The following LPIN1 variants were observed in gnomAD, a reference collection of about 807,000 sequenced individuals.
LPIN1 encodes lipin 1, also known as phosphatidate phosphatase LPIN1.
In LPIN1, 71 loss-of-function variants were observed where a neutral mutation model predicts 107.5. The ratio of observed to expected loss-of-function variants is 0.66; its 90% CI spans 0.55 to 0.80. The LOEUF is 0.80. Among genes scored for constraint, LPIN1 ranks in the 30% least tolerant of loss-of-function variants. The probability of loss-of-function intolerance (pLI) is 0.00; values close to 1 mark genes in which losing one functional copy is unlikely to be tolerated. For synonymous variants in LPIN1, 445 were observed against 452.6 expected, an observed-to-expected ratio of 0.98 and a Z score of 0.21; for missense variants, 1,043 against 1,160.6, an observed-to-expected ratio of 0.90 and a Z score of 1.47.
intron 1 of LPIN1, among the ~76,000 whole-genome samples, chr2:11,681,664 C>G (rs960552196): frequency 6.6e-6 from 1 of 152,194 alleles, no homozygotes; most frequent in Non-Finnish European, 1.5e-5. Context: ...ACCACGTCCC[C>G]GTGCTGCCCC....
intron 17 of LPIN1, among the ~76,000 whole-genome samples, chr2:11,807,324 GA>G (rs1678878451): frequency 1.3e-5 from 2 of 152,160 alleles, no homozygotes; most frequent in African/African-American, 4.8e-5. Context: ...CTTTCATTTA[GA>G]AGGATTAATC....
chr2:11,795,812 T>C (rs1370851682), intron 14 of LPIN1, among the ~76,000 whole-genome samples: 1 of 152,234 alleles, frequency 6.6e-6, no homozygotes, highest in Non-Finnish European at 1.5e-5. Context: ...ATAATGACAG[T>C]GATGACAGGA....
chr2:11,771,513 G>C lies in LPIN1; in HGVS notation c.430G>C (p.Glu144Gln), dbSNP rs776202108. Residue 144 changes from glutamate to glutamine, a missense_variant, in exon 4 of 21, where the codon GAG becomes CAG. Transcript: ENST00000674199. This position sits in a 1 kb window ranked among gnomAD's most constrained non-coding sequence, Gnocchi z 4.8. ...GCCAGCCCAAGTGATCGCTCCCAGC[G>C]AGACGCCGTCAAGCAGCTCTGTAGT... ...STPAQVIAPSETPSSSSVVKK... is the reference protein window; with the variant it reads ...STPAQVIAPSQTPSSSSVVKK... The C allele has an allele frequency of 2.5e-6, 4 of 1,614,088 alleles. No individual in the cohort carries two copies. In the African/African-American group the frequency reaches 5.3e-5, roughly 22 times the overall value.
intron 4 of LPIN1, among the ~76,000 whole-genome samples, chr2:11,772,747 G>A (rs1218315087): frequency 2.0e-5 from 3 of 152,010 alleles, no homozygotes; most frequent in Non-Finnish European, 4.4e-5. Context: ...TCATTTTGAA[G>A]GATATTTGAT....
At chr2:11,710,302 T>C (rs1267476006) in intron 1 of LPIN1, among the ~76,000 whole-genome samples, 1 of 151,704 alleles carries the variant, frequency 6.6e-6, no homozygotes, top group Non-Finnish European at 1.5e-5. Flanking sequence ...ATTTAATCCA[T>C]AGCGTCACAT....
chr2:11,805,052 C>A lies in LPIN1; in HGVS notation c.2163-18C>A. The A allele has an allele frequency of 6.7e-7, 1 of 1,502,144 alleles. No homozygotes were observed. The highest frequency in any genetic ancestry group is 9.2e-7 in the Non-Finnish European group (1 of 1,083,228). 93.1% of individuals were successfully genotyped at this position (1,502,144 alleles called of 1,614,324 possible). Reference sequence around the variant, plus strand: ...AAAGGGATTTTTACTTTATTTTTCTCTTTTCCTCTTCATTTAGATCAGATA... The same window carrying A: ...AAAGGGATTTTTACTTTATTTTTCTATTTTCCTCTTCATTTAGATCAGATA... On this transcript the variant is annotated intron_variant, in intron 16 of 20. Coordinates refer to ENST00000674199, the MANE Select transcript of LPIN1 (RefSeq NM_001349206.2).
chr2:11,716,681 C>T (rs1368815012), intron 2 of LPIN1, among the ~76,000 whole-genome samples: 1 of 152,180 alleles, frequency 6.6e-6, no homozygotes, highest in Non-Finnish European at 1.5e-5. Flanking sequence ...ATTAATTCTC[C>T]ATGGACTGGA....
At chr2:11,699,684 G>A (rs981551962) in intron 1 of LPIN1, among the ~76,000 whole-genome samples, 2 of 152,080 alleles carry the variant, frequency 1.3e-5, no homozygotes, top group Non-Finnish European at 2.9e-5. Context: ...ACCATCGGAC[G>A]AAGGGTCACT....
At chr2:11,751,768 C>G (rs1012267051) in intron 1 of LPIN1, among the ~76,000 whole-genome samples, 1 of 152,134 alleles carries the variant, frequency 6.6e-6, no homozygotes, top group South Asian at 2.1e-4. Context: ...AGGAGATTGG[C>G]GTGAACCTGG....
chr2:11,789,794 C>A (rs193258743), intron 12 of LPIN1, among the ~76,000 whole-genome samples: 6 of 152,306 alleles, frequency 3.9e-5, no homozygotes, highest in African/African-American at 1.4e-4. Flanking sequence ...AGCAATATAG[C>A]TAAAGGATTT....
At chr2:11,767,685 G>A (rs1671143928) in intron 2 of LPIN1, 78 bp from the exon 3 acceptor site, 2 of 874,562 alleles carry the variant, frequency 2.3e-6, no homozygotes, top group Non-Finnish European at 3.9e-6. Context: ...CGTATCTGTG[G>A]AGACTTGGCC....
rs114173815 is a variant in LPIN1, at chr2:11,699,417, C to A, written c.82-14339C>A. Among the ~76,000 whole-genome samples, 933 of 152,152 alleles carry A rather than the reference C, an allele frequency of 6.1e-3. 11 individuals carry two copies. Among genetic ancestry groups the A allele is most frequent in the African/African-American group, 0.021 (883 of 41,490 alleles). On this transcript the variant is annotated intron_variant, in intron 1 of 21. Coordinates refer to the LPIN1 transcript ENST00000449576. ...GACTTGACCGGCGCCCTGATGTCAGCGGGTATGGGTATGGAGTCCCTGGGG... is the reference window on the plus strand; with the variant it reads ...GACTTGACCGGCGCCCTGATGTCAGAGGGTATGGGTATGGAGTCCCTGGGG...
intron 1 of LPIN1, among the ~76,000 whole-genome samples, chr2:11,733,500 T>TC (rs200590160): frequency 2.7e-3 from 376 of 136,742 alleles, no homozygotes; most frequent in African/African-American, 0.01. Context: ...TCTCTCTCTC[T>TC]TTTTTTTTTT....
chr2:11,680,645 T>G (rs1661664566), intron 1 of LPIN1, among the ~76,000 whole-genome samples: 1 of 152,140 alleles, frequency 6.6e-6, no homozygotes, highest in African/African-American at 2.4e-5. Context: ...GGGGTGGAGC[T>G]TTCTAGCTGC....
At chr2:11,681,217 C>T (rs548940846) in intron 1 of LPIN1, among the ~76,000 whole-genome samples, 41 of 152,278 alleles carry the variant, frequency 2.7e-4, no homozygotes, top group African/African-American at 9.1e-4. Context: ...CTTAGCTTGG[C>T]ATTCAAGGCC....
At chr2:11,741,469 T>A in intron 2 of LPIN1, 1 of 1,379,984 alleles carries the variant, frequency 7.2e-7, no homozygotes, top group Non-Finnish European at 1.0e-6. Flanking sequence ...TGTTAAGGTG[T>A]TATGACCATT....
chr2:11,818,649 T>C (rs891804467), intron 18 of LPIN1: 1 of 151,866 alleles, frequency 6.6e-6, no homozygotes, highest in Non-Finnish European at 1.5e-5. Context: ...TTCTAGTATG[T>C]ATAACTTTTA....
chr2:11,713,608 G>T, intron 1 of LPIN1: 2 of 544,160 alleles, frequency 3.7e-6, no homozygotes, highest in South Asian at 2.6e-5. Context: ...TTTTTAATTG[G>T]CATATAGCCT....
intron 1 of LPIN1, among the ~76,000 whole-genome samples, chr2:11,693,794 A>ATATATATATATATATATG (rs1558723279): frequency 2.6e-4 from 6 of 23,172 alleles, no homozygotes; most frequent in Admixed American, 9.4e-4. Flanking sequence ...GTGTGTATAT[A>ATATATATATATATATATG]TATATATATA....
Sources: allele counts gnomAD v4.1 joint callset (sites outside exome capture counted in the v4.1 genomes callset), GRCh38; gene constraint gnomAD v4.1.1; non-coding constraint Gnocchi (gnomAD v3.1); transcripts MANE v1.5; gene names NCBI Gene and HGNC (gene_info 2026-07-23, HGNC 2026-07-21).